Variants in UGT1A4 observed in about 807,000 individuals in gnomAD.
UGT1A4 encodes the protein UDP-glucuronosyltransferase 1A4.
In UGT1A4, 32 loss-of-function variants were observed where a neutral mutation model predicts 41.1. The ratio of observed to expected loss-of-function variants is 0.78; its 90% confidence interval spans 0.59 to 1.05. UGT1A4 has a LOEUF of 1.05. Among genes scored for constraint, UGT1A4 ranks in the 50% least tolerant of loss-of-function variants. The pLI is 0.00. For synonymous variants in UGT1A4, 283 were observed against 265.1 expected, an observed-to-expected ratio of 1.07 and a Z score of -0.66; for missense variants, 748 against 677.4, an observed-to-expected ratio of 1.10 and a Z score of -1.16.
intron 1 of UGT1A4, among the ~76,000 whole-genome samples, chr2:233,736,892 T>C (rs905438192): frequency 2.6e-5 from 4 of 152,220 alleles, no homozygotes; most frequent in Non-Finnish European, 5.9e-5. Flanking sequence ...TATTGCTGCC[T>C]GATCCTTCCT....
At chr2:233,756,070 G>A (rs1207859334) in intron 1 of UGT1A4, 1 of 152,196 alleles carries the variant, frequency 6.6e-6, no homozygotes, top group African/African-American at 2.4e-5. Flanking sequence ...GTGGGAGAAT[G>A]ACAATGAGAA....
intron 1 of UGT1A4, chr2:233,743,869 G>A (rs763783144): frequency 1.5e-5 from 21 of 1,367,022 alleles, no homozygotes; most frequent in Admixed American, 1.9e-5. Flanking sequence ...TGATGGCCTC[G>A]GATGAGGCCT....
intron 1 of UGT1A4, among the ~76,000 whole-genome samples, chr2:233,737,102 G>T (rs992623703): frequency 6.6e-6 from 1 of 152,236 alleles, no homozygotes; most frequent in Non-Finnish European, 1.5e-5. Context: ...TAAGTCTGCT[G>T]TTCCCCACAT....
At chr2:233,762,211 C>A (rs1050554515) in intron 1 of UGT1A4, among the ~76,000 whole-genome samples, 4 of 152,108 alleles carry the variant, frequency 2.6e-5, no homozygotes, top group Non-Finnish European at 5.9e-5. Context: ...GTATTTGGCG[C>A]CCCATAAATC....
chr2:233,720,831 G>A (rs1315551380), intron 1 of UGT1A4, among the ~76,000 whole-genome samples: 2 of 150,572 alleles, frequency 1.3e-5, no homozygotes, highest in African/African-American at 2.4e-5. Context: ...TCAGTCTCCT[G>A]AGTAACTGGG....
Position 233,729,835 on chromosome 2 carries a change from G to A in UGT1A4, c.867+10148G>A, listed in dbSNP as rs530955113. On this transcript the variant is annotated intron_variant, in intron 1 of 4. Coordinates refer to ENST00000373409, the MANE Select transcript of UGT1A4 (RefSeq NM_007120.3). Reference sequence around the variant, plus strand: ...TGCTCCTTATGCAAGCCTTGCCTCTGAGCTTTTTCAGAGAGAGGTGTCAGT... The same window carrying A: ...TGCTCCTTATGCAAGCCTTGCCTCTAAGCTTTTTCAGAGAGAGGTGTCAGT... 4.0e-5 allele frequency: 65 copies of A among 1,613,870 alleles called. 1 individual carries two copies. In the South Asian group the frequency reaches 7.0e-4, roughly 17 times the overall value.
chr2:233,767,805 T>C lies in UGT1A4; in HGVS notation c.1000-44T>C, dbSNP rs774301079. On this transcript the variant is annotated intron_variant, in intron 2 of 4. Coordinates refer to ENST00000373409, the MANE Select transcript of UGT1A4 (RefSeq NM_007120.3). The stretch of plus-strand genomic sequence containing the variant: ...GTATAGCAGATTTGTTTTCTAATCA[T>C]ATTATGTTCTTTCTTTACGTTCTGC... 24 of 1,614,048 alleles carry C rather than the reference T, an allele frequency of 1.5e-5. No homozygotes were observed. In the South Asian group the frequency reaches 2.5e-4, roughly 17 times the overall value.
intron 1 of UGT1A4, among the ~76,000 whole-genome samples, chr2:233,738,688 T>G (rs1408862943): frequency 6.6e-6 from 1 of 152,138 alleles, no homozygotes; most frequent in Non-Finnish European, 1.5e-5. Flanking sequence ...AATTGGAACT[T>G]ATGTTTAAAA....
chr2:233,729,156 G>A (rs397978902), intron 1 of UGT1A4: 62 of 1,613,462 alleles, frequency 3.8e-5, no homozygotes, highest in East Asian at 8.9e-5. Flanking sequence ...TTCCCCTGCC[G>A]TGGCTGGCCA....
intron 1 of UGT1A4, among the ~76,000 whole-genome samples, chr2:233,744,623 G>T (rs1465647088): frequency 6.6e-6 from 1 of 151,866 alleles, no homozygotes; most frequent in Admixed American, 6.5e-5. Flanking sequence ...CTATAGAGAG[G>T]TGGATTCTCA....
In UGT1A4 at chr2:233,769,851, C is replaced by A; in HGVS notation, c.1307+1412C>A. On this transcript the variant is annotated intron_variant, in intron 4 of 4. Coordinates refer to ENST00000373409, the MANE Select transcript of UGT1A4 (RefSeq NM_007120.3). The surrounding 1 kb of genome is among the most constrained non-coding windows in gnomAD (Gnocchi z 4.4). ...GCAACCTGGGCAACAGAGTGAGACC[C>A]TGTCTCAAAAAAAAAAAAAAAAATG... The A allele has an allele frequency of 2.1e-6, 1 of 479,202 alleles. No homozygotes were observed. Among genetic ancestry groups the A allele is most frequent in the Non-Finnish European group, 3.3e-6 (1 of 301,676 alleles). The allele number at this position is 479,202 out of a possible 1,614,324, so 29.7% of individuals were successfully genotyped here. A position where few individuals can be genotyped will look rare whatever the true frequency, so the allele number is the denominator to read the frequency against.
intron 1 of UGT1A4, chr2:233,721,828 C>G (rs866134319): frequency 3.9e-6 from 2 of 516,354 alleles, no homozygotes; most frequent in Middle Eastern, 7.8e-4. Flanking sequence ...CTATTTGGGC[C>G]ACCGACCTTG....
chr2:233,749,837 G>A (rs1453014378), intron 1 of UGT1A4, among the ~76,000 whole-genome samples: 4 of 151,982 alleles, frequency 2.6e-5, no homozygotes, highest in East Asian at 1.9e-4. Flanking sequence ...CATGTAAGAC[G>A]TGTCTTTGCC....
chr2:233,772,482 T>C lies in UGT1A4; in HGVS notation c.1528T>C (p.Cys510Arg). Residue 510 changes from cysteine to arginine, a missense_variant, in exon 5 of 5, where the codon TGT becomes CGT. Physicochemically the swap from Cys to Arg is radical, Grantham distance 180. Coordinates refer to ENST00000373409, the MANE Select transcript of UGT1A4 (RefSeq NM_007120.3). ...VLTVAFITFK[C>R]CAYGYRKCLG... ...GACAGTGGCCTTCATCACCTTTAAA[T>C]GTTGTGCTTATGGCTACCGGAAATG... The C allele has an allele frequency of 6.2e-7, 1 of 1,614,124 alleles. No individual in the cohort carries two copies. Among genetic ancestry groups the C allele is most frequent in the Non-Finnish European group, 8.5e-7 (1 of 1,180,034 alleles).
At position 233,768,425 on chromosome 2, in the gene UGT1A4, C is replaced by A. The variant is rs1021872145; in HGVS notation, c.1293C>A (p.Val431=). 5.0e-6 allele frequency: 8 copies of A among 1,613,756 alleles called. No individual in the cohort carries two copies. Among genetic ancestry groups the A allele is most frequent in the Non-Finnish European group, 5.9e-6 (7 of 1,179,962 alleles). Residue 431 remains valine, a synonymous_variant, in exon 4 of 5, where the codon GTC becomes GTA. Transcript: ENST00000373409. ...ATTTAGAAAATGCTCTAAAAGCAGTCATCAATGACAAAAGGTAAGAAAGAA... is the reference window on the plus strand; with the variant it reads ...ATTTAGAAAATGCTCTAAAAGCAGTAATCAATGACAAAAGGTAAGAAAGAA... The part of the protein sequence containing the change: ...SEDLENALKA[V]INDKSYKENI...
At chr2:233,748,830 A>T (rs1694040307) in intron 1 of UGT1A4, among the ~76,000 whole-genome samples, 1 of 151,290 alleles carries the variant, frequency 6.6e-6, no homozygotes, top group African/African-American at 2.5e-5. Flanking sequence ...TCTAGGGAGG[A>T]GATAAAACTG....
intron 1 of UGT1A4, among the ~76,000 whole-genome samples, chr2:233,727,543 C>T (rs1033335466): frequency 1.3e-5 from 2 of 152,154 alleles, no homozygotes; most frequent in Admixed American, 6.5e-5. Context: ...GTGTTCCACC[C>T]GTCACCTGGG....
chr2:233,767,800 A>G (rs1049574519), intron 2 of UGT1A4, 49 bp from the exon 3 acceptor site: 1 of 1,614,072 alleles, frequency 6.2e-7, no homozygotes, highest in African/African-American at 1.3e-5. Context: ...TTTGTTTTCT[A>G]ATCATATTAT....
At chr2:233,720,365 G>A (rs920594093) in intron 1 of UGT1A4, among the ~76,000 whole-genome samples, 1 of 152,064 alleles carries the variant, frequency 6.6e-6, no homozygotes, top group Admixed American at 6.5e-5. Flanking sequence ...ATGTCAAAAG[G>A]GTCTTCTACT....
Sources: allele counts gnomAD v4.1 joint callset (sites outside exome capture counted in the v4.1 genomes callset), GRCh38; gene constraint gnomAD v4.1.1; non-coding constraint Gnocchi (gnomAD v3.1); transcripts MANE v1.5; gene names NCBI Gene and HGNC (gene_info 2026-07-23, HGNC 2026-07-21).